Variants in ADGRL2 observed in about 807,000 individuals in gnomAD.
ADGRL2 encodes the protein adhesion G protein-coupled receptor L2.
Under a neutral mutation model 157.4 loss-of-function variants are expected in ADGRL2, and 44 were observed. The observed-to-expected ratio is 0.28, with a 90% CI of 0.22 to 0.36. ADGRL2 has a LOEUF of 0.36. Among genes scored for constraint, ADGRL2 ranks in the 10% least tolerant of loss-of-function variants. The pLI, the probability that ADGRL2 is intolerant of heterozygous loss-of-function variation, is 1.00. For synonymous variants in ADGRL2, 585 were observed against 624.7 expected (o/e 0.94, Z 0.95); for missense variants, 1,510 against 1,768.9 (o/e 0.85, Z 2.63).
chr1:81,760,930 G>C lies in ADGRL2; in HGVS notation c.-142-881G>C, dbSNP rs1047189520. Among the ~76,000 whole-genome samples, 267 of 151,590 alleles carry C rather than the reference G, an allele frequency of 1.8e-3. 1 individual carries two copies. The highest frequency in any genetic ancestry group is 6.3e-3 in the African/African-American group (259 of 41,418). ...AAACTAATAATTTCCTTAAACTATTGTCATAGGGAGAATTCCTGAATCATT... is the reference window on the plus strand; with the variant it reads ...AAACTAATAATTTCCTTAAACTATTCTCATAGGGAGAATTCCTGAATCATT... On this transcript the variant is annotated intron_variant, in intron 1 of 20. Transcript: ENST00000359929.
At chr1:81,770,496 A>T (rs896436551) in intron 2 of ADGRL2, among the ~76,000 whole-genome samples, 1 of 149,642 alleles carries the variant, frequency 6.7e-6, no homozygotes, top group African/African-American at 2.5e-5. Flanking sequence ...CTTTTAAGAC[A>T]GAGTTTTGCT....
At chr1:81,535,262 T>C (rs12565040) in intron 2 of ADGRL2, among the ~76,000 whole-genome samples, 49,803 of 152,128 alleles carry the variant, frequency 0.33, 8,623 homozygotes, top group East Asian at 0.51. Flanking sequence ...GATGTGAGAG[T>C]GATTTTTAAA....
intron 1 of ADGRL2, among the ~76,000 whole-genome samples, chr1:81,389,226 A>G (rs2076492078): frequency 6.6e-6 from 1 of 152,280 alleles, no homozygotes; most frequent in Admixed American, 6.5e-5. Flanking sequence ...ACATTCAACA[A>G]TGTAACTAAC....
In ADGRL2 at chr1:81,987,020, A is replaced by C. The variant is rs546241850; in HGVS notation, c.3628A>C (p.Asn1210His). The change falls in exon 22 of 24, where the codon AAC becomes CAC. Residue 1210 changes from asparagine (N) to histidine (H), a missense_variant. By Grantham distance (68) the Asn-to-His change is moderately conservative. Around this residue, in one of 4 missense-constraint regions of ADGRL2, gnomAD observed 497 missense variants for 627.2 expected, o/e 0.79. Coordinates refer to ENST00000686636, the MANE Select transcript of ADGRL2 (RefSeq NM_001366006.2). ...VCNAPSAPVF[N>H]SPATYRETRH... ...TAATGCCCCTTCAGCTCCTGTATTTAACTCACCAGGTGTGCTTTACTTACA... is the reference window on the plus strand; with the variant it reads ...TAATGCCCCTTCAGCTCCTGTATTTCACTCACCAGGTGTGCTTTACTTACA... 1.6e-5 allele frequency: 26 copies of C among 1,610,308 alleles called. No individual in the cohort carries two copies. The South Asian group carries it at 2.4e-4, about 15-fold the overall frequency.
chr1:81,537,970 G>A (rs1173373324), intron 2 of ADGRL2, among the ~76,000 whole-genome samples: 1 of 152,150 alleles, frequency 6.6e-6, no homozygotes, highest in African/African-American at 2.4e-5. Context: ...AAAGTGCTGG[G>A]ATTACAGGTA....
At chr1:81,365,382 A>G (rs929011701) in intron 1 of ADGRL2, among the ~76,000 whole-genome samples, 1 of 151,790 alleles carries the variant, frequency 6.6e-6, no homozygotes, top group Non-Finnish European at 1.5e-5. Context: ...TGGAAACCTA[A>G]TCTTGTATTG....
intron 1 of ADGRL2, among the ~76,000 whole-genome samples, chr1:81,425,610 A>C (rs2077198319): frequency 6.6e-6 from 1 of 152,220 alleles, no homozygotes. Flanking sequence ...GGACAAGGAA[A>C]AAAATTTACC....
chr1:81,740,919 G>A (rs1385500417), intron 1 of ADGRL2, among the ~76,000 whole-genome samples: 1 of 152,138 alleles, frequency 6.6e-6, no homozygotes, highest in Non-Finnish European at 1.5e-5. Flanking sequence ...CAGAGTGATG[G>A]ATTATAGAGC....
At chr1:81,634,472 C>G (rs188579288) in intron 3 of ADGRL2, among the ~76,000 whole-genome samples, 3 of 151,736 alleles carry the variant, frequency 2.0e-5, no homozygotes, top group Non-Finnish European at 4.4e-5. Context: ...ATGTTCCCCC[C>G]ACTATGCTCC....
Position 81,836,925 on chromosome 1 carries a change from C to G in ADGRL2, c.-60C>G, listed in dbSNP as rs1269006906. 1 of 960,174 alleles carries G rather than the reference C, an allele frequency of 1.0e-6. No homozygotes were observed. Among genetic ancestry groups the G allele is most frequent in the Non-Finnish European group, 1.6e-6 (1 of 624,246 alleles). 59.5% of individuals were successfully genotyped at this position (960,174 alleles called of 1,614,324 possible). A position where few individuals can be genotyped will look rare whatever the true frequency, so the allele number is the denominator to read the frequency against. ...ATGCAGACTGATGGTTTTGATGAAG[C>G]TGGGCATTTATAACTAGATTCATTA... On this transcript the variant is annotated 5_prime_UTR_variant, in exon 2 of 24. Transcript: ENST00000686636.
chr1:81,936,147 A>G (rs1435998631), intron 3 of ADGRL2, among the ~76,000 whole-genome samples: 1 of 151,886 alleles, frequency 6.6e-6, no homozygotes, highest in Non-Finnish European at 1.5e-5. Context: ...GGACCATAGC[A>G]TATAAGGTGA....
chr1:81,423,886 C>G (rs778420387), intron 1 of ADGRL2, among the ~76,000 whole-genome samples: 1 of 151,978 alleles, frequency 6.6e-6, no homozygotes, highest in Non-Finnish European at 1.5e-5. Flanking sequence ...AAGAGATTTA[C>G]AAAAAAATGA....
chr1:81,625,043 T>A (rs1163794773), intron 3 of ADGRL2, among the ~76,000 whole-genome samples: 1 of 152,172 alleles, frequency 6.6e-6, no homozygotes, highest in Admixed American at 6.5e-5. Context: ...AAAACACTTT[T>A]ATCTATAATA....
intron 3 of ADGRL2, among the ~76,000 whole-genome samples, chr1:81,612,071 A>G (rs1557505291): frequency 1.3e-5 from 2 of 152,196 alleles, no homozygotes; most frequent in South Asian, 4.1e-4. Flanking sequence ...CTTTCTTTAT[A>G]AATTACCCAG....
chr1:81,484,298 G>A (rs912000403), intron 2 of ADGRL2, among the ~76,000 whole-genome samples: 5 of 151,972 alleles, frequency 3.3e-5, no homozygotes, highest in African/African-American at 9.7e-5. Context: ...ACAACTAGTC[G>A]GACTACAGAG....
At chr1:81,521,798 ATTC>A (rs2079321883) in intron 2 of ADGRL2, among the ~76,000 whole-genome samples, 3 of 152,174 alleles carry the variant, frequency 2.0e-5, no homozygotes, top group Admixed American at 6.5e-5. Context: ...GAGGAATTAA[ATTC>A]TTCTTTTCTT....
rs531534944 is a variant in ADGRL2 at position 81,746,031 on chromosome 1, A to C, written c.-142-15780A>C. Among the ~76,000 whole-genome samples, 738 of 137,758 alleles carry C rather than the reference A, an allele frequency of 5.4e-3. 3 individuals are homozygous for C. The highest frequency in any genetic ancestry group is 0.02 in the African/African-American group (717 of 36,738). 90.4% of individuals were successfully genotyped at this position (137,758 alleles called of 152,430 possible). The stretch of plus-strand genomic sequence containing the variant: ...CTGCTTGATCAAAAAGAAATAAATA[A>C]AATATAACATAATGCATGGAGATAA... On this transcript the variant is annotated intron_variant, in intron 1 of 20. Transcript: ENST00000359929.
Position 81,715,462 on chromosome 1 carries a change from C to T in ADGRL2, c.-143+15654C>T, listed in dbSNP as rs770691056. ...AGATTTTTCTGTTAGTGTGTATGTG[C>T]ATCTTGTAAATTCTTGTGCTTAAAG... On this transcript the variant is annotated intron_variant, in intron 1 of 20. Transcript: ENST00000359929. 9.2e-5 allele frequency among the ~76,000 whole-genome samples: 14 copies of T among 152,244 alleles called. No individual in the cohort carries two copies. The South Asian group carries it at 1.2e-3, about 14-fold the overall frequency.
intron 2 of ADGRL2, among the ~76,000 whole-genome samples, chr1:81,447,139 C>T (rs2077612046): frequency 6.6e-6 from 1 of 151,918 alleles, no homozygotes; most frequent in South Asian, 2.1e-4. Context: ...TTGTGAAGCG[C>T]ATATATTAAT....
Sources: allele counts gnomAD v4.1 joint callset (sites outside exome capture counted in the v4.1 genomes callset), GRCh38; gene constraint gnomAD v4.1.1; regional missense constraint gnomAD v4.1.1; transcripts MANE v1.5; gene names NCBI Gene and HGNC (gene_info 2026-07-23, HGNC 2026-07-21).